GIPC1: variants seen among roughly 807,000 people sequenced by gnomAD.
GIPC1 encodes PDZ domain-containing protein GIPC1.
GIPC1 carries 15 observed loss-of-function variants against 28.5 expected under a neutral mutation model. That is an observed-to-expected ratio of 0.53 (90% CI 0.35 to 0.81). GIPC1 has a LOEUF of 0.81. GIPC1 is among the 30% of genes least tolerant of loss of function. GIPC1 has a pLI of 0.01. For missense variants in GIPC1, 439 were observed against 481.9 expected (o/e 0.91, Z 0.83); for synonymous variants, 224 against 206.1 (o/e 1.09, Z -0.74).
intron 1 of GIPC1, among the ~76,000 whole-genome samples, chr19:14,493,298 G>A (rs2072008792): frequency 6.6e-6 from 1 of 152,200 alleles, no homozygotes. Flanking sequence ...TGCCCTGCCT[G>A]AAACTTTACA....
intron 3 of GIPC1, among the ~76,000 whole-genome samples, chr19:14,486,472 G>A (rs989583836): frequency 5.9e-5 from 9 of 152,090 alleles, no homozygotes; most frequent in Non-Finnish European, 8.8e-5. Flanking sequence ...GCATTTAAGT[G>A]CTGGAGCCTC....
rs1463579138 is a variant in GIPC1, at chr19:14,482,943, G to T, written c.34C>A (p.Pro12Thr). Residue 12 changes from proline (P) to threonine (T), a missense_variant, in exon 4 of 9, where the codon CCC becomes ACC. By Grantham distance (38) the Pro-to-Thr change is conservative. Coordinates refer to ENST00000393033, the MANE Select transcript of GIPC1 (RefSeq NM_005716.4). Reference sequence around the variant, plus strand: ...GCCTCCTCATTTTCCACTAGAGGGGGCGCCTTTTTCCGCCGCCCCAGTCCC... The same window carrying T: ...GCCTCCTCATTTTCCACTAGAGGGGTCGCCTTTTTCCGCCGCCCCAGTCCC... ...PLGLGRRKKA[P>T]PLVENEEAEP... 1.9e-6 allele frequency: 3 copies of T among 1,611,818 alleles called. No individual in the cohort carries two copies. The highest frequency in any genetic ancestry group is 1.3e-5 in the African/African-American group (1 of 75,056).
At chr19:14,486,823 T>C (rs920913133) in intron 3 of GIPC1, among the ~76,000 whole-genome samples, 3 of 149,914 alleles carry the variant, frequency 2.0e-5, no homozygotes, top group Admixed American at 6.7e-5. Flanking sequence ...GCGATTCACC[T>C]GCCTCAACCT....
chr19:14,480,858 G>C, intron 4 of GIPC1, 80 bp from the exon 5 acceptor site: 1 of 1,029,672 alleles, frequency 9.7e-7, no homozygotes, highest in Non-Finnish European at 1.5e-6. Context: ...AAGGGAGAGA[G>C]CTGGGAGAGG....
In GIPC1 at chr19:14,478,119, T is replaced by TG. The variant is rs1265063603; in HGVS notation, c.*296dup. 1 of 365,124 alleles carries TG rather than the reference T, an allele frequency of 2.7e-6. No individual in the cohort carries two copies. The highest frequency in any genetic ancestry group is 5.0e-6 in the Non-Finnish European group (1 of 198,868). The allele number at this position is 365,124 out of a possible 1,614,324, so 22.6% of individuals were successfully genotyped here. On this transcript the variant is annotated 3_prime_UTR_variant, in exon 9 of 9. Transcript: ENST00000393033. The surrounding 1 kb of genome is among the most constrained non-coding windows in gnomAD (Gnocchi z 5.2). ...TTTGGCAGCTGATGGTGGAAAGTGG[T>TG]GGAGGCGGGGGTGGCCGCCCAATTT...
rs951016418 is a variant in GIPC1 at position 14,478,297 on chromosome 19, T to C, written c.*119A>G. The stretch of plus-strand genomic sequence containing the variant: ...GGCCTGGCCCCACCTCCCCTCACCA[T>C]CGTCCTTGGGCTGCTGAGCTAGGCT... On this transcript the variant is annotated 3_prime_UTR_variant, in exon 9 of 9. Transcript: ENST00000393033. The surrounding 1 kb of genome is among the most constrained non-coding windows in gnomAD (Gnocchi z 5.2). 4.7e-6 allele frequency: 5 copies of C among 1,054,034 alleles called. 1 individual carries two copies. Among genetic ancestry groups the C allele is most frequent in the South Asian group, 1.6e-5 (1 of 62,716 alleles). The allele number at this position is 1,054,034 out of a possible 1,614,324, so 65.3% of individuals were successfully genotyped here.
chr19:14,490,986 A>AAAAG (rs1253396052), intron 3 of GIPC1, among the ~76,000 whole-genome samples: 2 of 150,066 alleles, frequency 1.3e-5, no homozygotes, highest in Non-Finnish European at 3.0e-5. Flanking sequence ...AAAAAAAAAA[A>AAAAG]AAAGAAAGAA....
chr19:14,493,649 GTTTATT>G (rs1283985767), intron 1 of GIPC1, among the ~76,000 whole-genome samples: 4 of 151,718 alleles, frequency 2.6e-5, no homozygotes, highest in African/African-American at 9.7e-5. Flanking sequence ...TTTTGTATTT[GTTTATT>G]TTTATTTATT....
rs546601398 is a variant in GIPC1 at position 14,492,556 on chromosome 19, T to G, written c.-119+301A>C. ...CCCCTGACCTCGTGATCCACCTGCCTCGGCCTCCCAAAGTGCTGGGATTAT... is the reference window on the plus strand; with the variant it reads ...CCCCTGACCTCGTGATCCACCTGCCGCGGCCTCCCAAAGTGCTGGGATTAT... On this transcript the variant is annotated intron_variant, in intron 2 of 8. Transcript: ENST00000393033. Among the ~76,000 whole-genome samples the G allele has an allele frequency of 3.3e-3, 495 of 152,280 alleles. 2 individuals carry two copies. The highest frequency in any genetic ancestry group is 0.012 in the African/African-American group (481 of 41,568).
rs781405718 is a variant in GIPC1, at chr19:14,480,743, G to A, written c.324C>T (p.Asp108=). 3.1e-6 allele frequency: 5 copies of A among 1,613,856 alleles called. No homozygotes were observed. The highest frequency in any genetic ancestry group is 1.7e-4 in the Middle Eastern group (1 of 6,060). ...TCTGGCCCCCCAGGAGCTTGTCCATGTCCACTTTGTGGGTGTTCAGGGTGC... is the reference window on the plus strand; with the variant it reads ...TCTGGCCCCCCAGGAGCTTGTCCATATCCACTTTGTGGGTGTTCAGGGTGC... ...MFCTLNTHKV[D]MDKLLGGQIG... Residue 108 remains aspartate (D), a synonymous_variant, in exon 5 of 9, where the codon GAC becomes GAT. Transcript: ENST00000393033.
chr19:14,493,699 G>C (rs2072018678), intron 1 of GIPC1, among the ~76,000 whole-genome samples: 2 of 151,656 alleles, frequency 1.3e-5, no homozygotes, highest in Admixed American at 1.3e-4. Flanking sequence ...CATTCTTGTT[G>C]CCCAGGTTGG....
chr19:14,484,929 G>A (rs538260658), intron 3 of GIPC1, among the ~76,000 whole-genome samples: 2 of 151,570 alleles, frequency 1.3e-5, no homozygotes, highest in South Asian at 4.2e-4. Flanking sequence ...GGAGGCTGAG[G>A]TGGGCAGATC....
chr19:14,485,348 A>AC (rs2071811502), intron 3 of GIPC1, among the ~76,000 whole-genome samples: 2 of 148,076 alleles, frequency 1.4e-5, no homozygotes, highest in African/African-American at 5.0e-5. Flanking sequence ...ACACCCGACT[A>AC]TTTTTTTTTT....
intron 3 of GIPC1, among the ~76,000 whole-genome samples, chr19:14,485,238 GT>G (rs2071809592): frequency 6.6e-6 from 1 of 152,010 alleles, no homozygotes; most frequent in Non-Finnish European, 1.5e-5. Context: ...GTGCAGTGGG[GT>G]GATCACGATA....
rs758813507 is a variant in GIPC1 at position 14,482,743 on chromosome 19, G to C, written c.234C>G (p.Asn78Lys). 2 of 1,611,484 alleles carry C rather than the reference G, an allele frequency of 1.2e-6. No homozygotes were observed. Residue 78 changes from asparagine to lysine, a missense_variant, in exon 4 of 9, where the codon AAC becomes AAG. Physicochemically the swap from Asn to Lys is moderately conservative, Grantham distance 94. Coordinates refer to ENST00000393033, the MANE Select transcript of GIPC1 (RefSeq NM_005716.4). ...SPTGRIEGFT[N>K]VKELYGKIAE... ...CGATCTTGCCATACAGCTCCTTGAC[G>C]TTGGTGAAGCCCTCGATGCGGCCAG...
At chr19:14,489,558 T>G (rs1401694888) in intron 3 of GIPC1, 1 of 970,022 alleles carries the variant, frequency 1.0e-6, no homozygotes. Flanking sequence ...AGAAAAATAT[T>G]GGAATGGTGG....
intron 3 of GIPC1, chr19:14,489,411 G>C (rs779974682): frequency 1.2e-6 from 1 of 806,752 alleles, no homozygotes; most frequent in Non-Finnish European, 2.3e-6. Context: ...ACCCTCCTGA[G>C]TTGAAAAAAT....
rs768618180 is a variant in GIPC1, at chr19:14,480,590, C to G, written c.474+3G>C. Reference sequence around the variant, plus strand: ...CTCCGGGGTGCCCCGTCTCCCCAGGCACCTTGATGAAGGCGTAGCCAGCCC... The same window carrying G: ...CTCCGGGGTGCCCCGTCTCCCCAGGGACCTTGATGAAGGCGTAGCCAGCCC... On this transcript the variant is annotated splice_donor_region_variant and intron_variant, in intron 5 of 8. Transcript: ENST00000393033. 1 of 1,613,264 alleles carries G rather than the reference C, an allele frequency of 6.2e-7. No individual in the cohort carries two copies. The highest frequency in any genetic ancestry group is 1.3e-5 in the African/African-American group (1 of 74,942).
At chr19:14,492,428 T>A (rs2071992910) in intron 2 of GIPC1, among the ~76,000 whole-genome samples, 1 of 148,536 alleles carries the variant, frequency 6.7e-6, no homozygotes, top group African/African-American at 2.4e-5. Context: ...TGCCTCAGCC[T>A]CCCGAGTAGC....
Sources: gnomAD v4.1 joint callset for allele counts (sites outside exome capture counted in the v4.1 genomes callset) on GRCh38, gnomAD v4.1.1 for gene constraint, Gnocchi (gnomAD v3.1) non-coding constraint, MANE v1.5 for transcripts, NCBI Gene and HGNC (gene_info 2026-07-23, HGNC 2026-07-21) for gene names.